Variants in TEK observed in about 807,000 individuals in gnomAD.
TEK encodes the protein angiopoietin-1 receptor.
TEK carries 43 observed loss-of-function variants against 131.8 expected under a neutral mutation model. The ratio of observed to expected loss-of-function variants is 0.33; its 90% CI spans 0.26 to 0.42. The LOEUF (loss-of-function observed/expected upper bound fraction) is 0.42. TEK is among the 10% of genes least tolerant of loss of function. The pLI, the probability that TEK is intolerant of heterozygous loss-of-function variation, is 1.00. For missense variants in TEK, 1,162 were observed against 1,384.4 expected, an observed-to-expected ratio of 0.84 and a Z score of 2.55; for synonymous variants, 580 against 491.6, an observed-to-expected ratio of 1.18 and a Z score of -2.38.
chr9:27,128,934 G>T (rs1810845902), intron 1 of TEK, among the ~76,000 whole-genome samples: 1 of 152,178 alleles, frequency 6.6e-6, no homozygotes, highest in Non-Finnish European at 1.5e-5. Flanking sequence ...CAGACAATTT[G>T]ACTTCCTCTT....
At chr9:27,224,402 T>C (rs1051635041) in intron 21 of TEK, among the ~76,000 whole-genome samples, 1 of 147,742 alleles carries the variant, frequency 6.8e-6, no homozygotes, top group African/African-American at 2.5e-5. Flanking sequence ...ATCAAAAAGC[T>C]TATCCACCAT....
intron 1 of TEK, among the ~76,000 whole-genome samples, chr9:27,134,225 G>A (rs1297256916): frequency 1.3e-5 from 2 of 152,288 alleles, no homozygotes; most frequent in East Asian, 3.9e-4. Flanking sequence ...TTAGGTAGAT[G>A]AACTGTTACT....
At chr9:27,213,221 A>G (rs576573997) in intron 17 of TEK, among the ~76,000 whole-genome samples, 1 of 152,272 alleles carries the variant, frequency 6.6e-6, no homozygotes, top group East Asian at 1.9e-4. Context: ...ATGTGTAATA[A>G]CAGAGACACA....
chr9:27,224,972 CAGAG>C (rs1229194886), intron 21 of TEK, among the ~76,000 whole-genome samples: 1 of 152,170 alleles, frequency 6.6e-6, no homozygotes, highest in Non-Finnish European at 1.5e-5. Flanking sequence ...AGCAGACAAA[CAGAG>C]AGCCAAACCA....
At chr9:27,156,309 A>G (rs1823329314) in intron 1 of TEK, among the ~76,000 whole-genome samples, 1 of 152,144 alleles carries the variant, frequency 6.6e-6, no homozygotes, top group Non-Finnish European at 1.5e-5. Flanking sequence ...CTTCCTATAC[A>G]GAACATTTGG....
intron 1 of TEK, among the ~76,000 whole-genome samples, chr9:27,148,280 A>T (rs1822999383): frequency 1.3e-5 from 2 of 152,216 alleles, no homozygotes; most frequent in Admixed American, 1.3e-4. Flanking sequence ...AAATAATGAG[A>T]TGTCTTTTTA....
intron 1 of TEK, among the ~76,000 whole-genome samples, chr9:27,132,676 C>T (rs957144486): frequency 1.1e-4 from 17 of 152,148 alleles, no homozygotes; most frequent in African/African-American, 3.9e-4. Flanking sequence ...CAAACTATGG[C>T]ATTTGTGTGC....
At chr9:27,129,969 T>A (rs1170702077) in intron 1 of TEK, among the ~76,000 whole-genome samples, 1 of 152,248 alleles carries the variant, frequency 6.6e-6, no homozygotes, top group Non-Finnish European at 1.5e-5. Flanking sequence ...CAAAGTTTCA[T>A]AATTCGTATC....
chr9:27,176,481 A>G (rs1243801520), intron 6 of TEK, among the ~76,000 whole-genome samples: 2 of 152,204 alleles, frequency 1.3e-5, no homozygotes, highest in Non-Finnish European at 2.9e-5. Context: ...TATGCTTATT[A>G]ATAGTTCTTA....
At position 27,203,106 on chromosome 9, in the gene TEK, C is replaced by T; in HGVS notation, c.2196C>T (p.Leu732=). The T allele has an allele frequency of 1.2e-6, 2 of 1,614,028 alleles. No homozygotes were observed. Among genetic ancestry groups the T allele is most frequent in the Non-Finnish European group, 1.7e-6 (2 of 1,179,962 alleles). Residue 732 remains leucine, a synonymous_variant, in exon 13 of 23, where the codon CTC becomes CTT. Coordinates refer to ENST00000380036, the MANE Select transcript of TEK (RefSeq NM_000459.5). The part of the protein sequence containing the change: ...NPAFSHELVT[L]PESQAPADLG... Reference sequence around the variant, plus strand: ...CCTTTTCTCATGAACTGGTGACCCTCCCAGAATCTCAAGGTTGGTTGAATG... The same window carrying T: ...CCTTTTCTCATGAACTGGTGACCCTTCCAGAATCTCAAGGTTGGTTGAATG...
rs573805636 is a variant in TEK at position 27,162,191 on chromosome 9, C to T, written c.364+4049C>T. The stretch of plus-strand genomic sequence containing the variant: ...CTATGTTTTCATGTCACTATTAATT[C>T]GTTATTAAAACATCATGGAAACTCA... On this transcript the variant is annotated intron_variant, in intron 2 of 22. Transcript: ENST00000380036. Among the ~76,000 whole-genome samples the T allele has an allele frequency of 2.6e-4, 40 of 152,256 alleles. 1 individual carries two copies. Among genetic ancestry groups the T allele is most frequent in the Admixed American group, 3.3e-4 (5 of 15,296 alleles).
intron 11 of TEK, chr9:27,195,673 G>A (rs1336660910): frequency 1.3e-5 from 6 of 455,866 alleles, no homozygotes; most frequent in Non-Finnish European, 2.6e-5. Context: ...CCTTTGTCCA[G>A]TGACATAAGA....
chr9:27,144,338 G>T (rs563658355), intron 1 of TEK, among the ~76,000 whole-genome samples: 1 of 152,322 alleles, frequency 6.6e-6, no homozygotes, highest in East Asian at 1.9e-4. Flanking sequence ...AGATGCTATG[G>T]ATGATTCATA....
chr9:27,151,302 A>G (rs1823118843), intron 1 of TEK, among the ~76,000 whole-genome samples: 1 of 152,060 alleles, frequency 6.6e-6, no homozygotes, highest in South Asian at 2.1e-4. Flanking sequence ...CAGAAAAGAT[A>G]CTGAAAATAC....
chr9:27,225,859 A>G (rs1826302213), intron 21 of TEK, among the ~76,000 whole-genome samples: 1 of 152,238 alleles, frequency 6.6e-6, no homozygotes, highest in South Asian at 2.1e-4. Flanking sequence ...GCTAATATCC[A>G]GAATCTACAA....
rs932882162 is a variant in TEK at position 27,157,897 on chromosome 9, C to T, written c.119C>T (p.Thr40Ile). The T allele has an allele frequency of 1.9e-6, 3 of 1,614,108 alleles. No individual in the cohort carries two copies. Among genetic ancestry groups the T allele is most frequent in the Non-Finnish European group, 2.5e-6 (3 of 1,180,018 alleles). Residue 40 changes from threonine (T) to isoleucine (I), a missense_variant, in exon 2 of 23, where the codon ACA becomes ATA. Thr to Ile is a moderately conservative substitution (Grantham distance 89). This residue lies in a region of TEK where 436 missense variants were observed against 539.1 expected (regional missense o/e 0.81). Transcript: ENST00000380036. The part of the protein sequence containing the change: ...NSLPLVSDAE[T>I]SLTCIASGWR... ...CTACCTCTTGTATCTGATGCTGAAA[C>T]ATCTCTCACCTGCATTGCCTCTGGG...
intron 1 of TEK, among the ~76,000 whole-genome samples, chr9:27,126,962 G>C (rs1822011802): frequency 6.6e-6 from 1 of 152,166 alleles, no homozygotes; most frequent in African/African-American, 2.4e-5. Context: ...CGTGATGTTA[G>C]CTAGTAACAC....
intron 1 of TEK, among the ~76,000 whole-genome samples, chr9:27,134,683 CA>C (rs2131068706): frequency 6.6e-6 from 1 of 152,240 alleles, no homozygotes. Context: ...CTAGATGATA[CA>C]TGTATGCCAT....
intron 1 of TEK, among the ~76,000 whole-genome samples, chr9:27,152,578 A>G (rs1183193470): frequency 6.8e-6 from 1 of 147,146 alleles, no homozygotes; most frequent in African/African-American, 2.5e-5. Flanking sequence ...TTCAAATAAA[A>G]TCTTATATGA....
Sources: allele counts gnomAD v4.1 joint callset (sites outside exome capture counted in the v4.1 genomes callset), GRCh38; gene constraint gnomAD v4.1.1; regional missense constraint gnomAD v4.1.1; transcripts MANE v1.5; gene names NCBI Gene and HGNC (gene_info 2026-07-23, HGNC 2026-07-21).